SCRN1: variants seen among roughly 807,000 people sequenced by gnomAD.
SCRN1 encodes the protein secernin-1.
SCRN1 carries 19 observed loss-of-function variants against 43.3 expected under a neutral mutation model. The ratio of observed to expected loss-of-function variants is 0.44; its 90% confidence interval spans 0.31 to 0.64. The LOEUF (loss-of-function observed/expected upper bound fraction) is 0.64, where lower values mean the gene tolerates loss of function less well. Ranked by LOEUF, SCRN1 falls within the 30% of genes least tolerant of loss-of-function variation. The pLI is 0.09. For missense variants in SCRN1, 447 were observed against 524.1 expected (o/e 0.85, Z 1.44); for synonymous variants, 183 against 188.9 (o/e 0.97, Z 0.26).
At chr7:29,931,115 C>A (rs557745210) in intron 6 of SCRN1, among the ~76,000 whole-genome samples, 1 of 152,332 alleles carries the variant, frequency 6.6e-6, no homozygotes, top group South Asian at 2.1e-4. Flanking sequence ...ACCATTACCT[C>A]ATCTGTCCAT....
At chr7:29,983,870 A>G (rs1471613458) in intron 1 of SCRN1, among the ~76,000 whole-genome samples, 2 of 152,230 alleles carry the variant, frequency 1.3e-5, no homozygotes, top group Non-Finnish European at 2.9e-5. Flanking sequence ...AAGTGTTGCC[A>G]GAATAACTGA....
chr7:29,947,132 T>C (rs1182946703), intron 3 of SCRN1: 1 of 1,510,942 alleles, frequency 6.6e-7, no homozygotes, highest in Admixed American at 2.1e-5. Flanking sequence ...AGTTCCACTG[T>C]AACATCTATC....
rs1384308112 is a variant in SCRN1, at chr7:29,920,378, C to T, written c.*3579G>A. 3.3e-5 allele frequency: 5 copies of T among 152,110 alleles called. No homozygotes were observed. Among genetic ancestry groups the T allele is most frequent in the Admixed American group, 2.0e-4 (3 of 15,264 alleles). The allele number at this position is 152,110 out of a possible 1,614,324, so 9.4% of individuals were successfully genotyped here. A position where few individuals can be genotyped will look rare whatever the true frequency, so the allele number is the denominator to read the frequency against. On this transcript the variant is annotated 3_prime_UTR_variant, in exon 8 of 8. Coordinates refer to ENST00000242059, the MANE Select transcript of SCRN1 (RefSeq NM_014766.5). Reference sequence around the variant, plus strand: ...GTTCCCACGAGAAATCTGCAGGTGACATTTCGGGATGTTTGGAGTCAATCA... The same window carrying T: ...GTTCCCACGAGAAATCTGCAGGTGATATTTCGGGATGTTTGGAGTCAATCA...
intron 6 of SCRN1, among the ~76,000 whole-genome samples, chr7:29,933,169 C>T (rs533347132): frequency 7.6e-4 from 116 of 152,238 alleles, no homozygotes; most frequent in South Asian, 4.4e-3. Flanking sequence ...CGTGAGCGGC[C>T]GCACCTGGCC....
At chr7:29,929,300 G>T (rs140293326) in intron 6 of SCRN1, among the ~76,000 whole-genome samples, 173 of 152,342 alleles carry the variant, frequency 1.1e-3, no homozygotes, top group African/African-American at 3.8e-3. Context: ...TAGGCTTCAC[G>T]GTGGAACTGG....
chr7:29,969,603 A>C (rs1264062346), intron 1 of SCRN1, among the ~76,000 whole-genome samples: 2 of 152,176 alleles, frequency 1.3e-5, no homozygotes, highest in African/African-American at 4.8e-5. Context: ...ATAACACTCA[A>C]ACACCTTTTG....
In SCRN1 at chr7:29,921,732, G is replaced by C. The variant is rs1307701913; in HGVS notation, c.*2225C>G. On this transcript the variant is annotated 3_prime_UTR_variant, in exon 8 of 8. Coordinates refer to ENST00000242059, the MANE Select transcript of SCRN1 (RefSeq NM_014766.5). The stretch of plus-strand genomic sequence containing the variant: ...CCAAGGTCAATGTACCCTAACAGAA[G>C]TAGCCATTGTGTTTCCCAATGGGTA... The C allele has an allele frequency of 2.6e-5, 4 of 152,252 alleles. No individual in the cohort carries two copies. Among genetic ancestry groups the C allele is most frequent in the African/African-American group, 9.6e-5 (4 of 41,470 alleles). The allele number at this position is 152,252 out of a possible 1,614,324, so 9.4% of individuals were successfully genotyped here. A position where few individuals can be genotyped will look rare whatever the true frequency, so the allele number is the denominator to read the frequency against.
chr7:29,947,326 G>T, intron 3 of SCRN1: 1 of 1,550,664 alleles, frequency 6.4e-7, no homozygotes, highest in Non-Finnish European at 8.7e-7. Context: ...ACATCTCACT[G>T]AGAAAGATGG....
At chr7:29,956,127 T>C (rs1163086178) in intron 2 of SCRN1, among the ~76,000 whole-genome samples, 1 of 152,230 alleles carries the variant, frequency 6.6e-6, no homozygotes, top group African/African-American at 2.4e-5. Context: ...CCAAGTATTT[T>C]TAACCTCAGA....
chr7:29,972,654 T>A (rs1412886653), intron 1 of SCRN1, among the ~76,000 whole-genome samples: 1 of 152,224 alleles, frequency 6.6e-6, no homozygotes. Flanking sequence ...AAAGTGTGCA[T>A]CAGACCTAGG....
At chr7:29,939,380 TTTTA>T (rs923559213) in intron 5 of SCRN1, among the ~76,000 whole-genome samples, 9 of 152,128 alleles carry the variant, frequency 5.9e-5, no homozygotes, top group Admixed American at 2.0e-4. Flanking sequence ...ATCTGGCTAA[TTTTA>T]TTTCTTTGGA....
chr7:29,978,301 G>C (rs1200569337), intron 1 of SCRN1, among the ~76,000 whole-genome samples: 1 of 152,134 alleles, frequency 6.6e-6, no homozygotes, highest in Admixed American at 6.5e-5. Context: ...CAAATATTTG[G>C]CTTCTGCTAA....
At chr7:29,972,243 T>G (rs1478910622) in intron 1 of SCRN1, among the ~76,000 whole-genome samples, 1 of 152,296 alleles carries the variant, frequency 6.6e-6, no homozygotes, top group East Asian at 1.9e-4. Flanking sequence ...AGGATGCATT[T>G]ATCTTGTGTG....
chr7:29,927,970 A>T (rs1323151112), intron 6 of SCRN1, among the ~76,000 whole-genome samples: 2 of 152,122 alleles, frequency 1.3e-5, no homozygotes, highest in Non-Finnish European at 2.9e-5. Context: ...AAAATAAAAA[A>T]AAATTAGCCG....
Position 29,989,649 on chromosome 7 carries a change from G to A in SCRN1, c.-9C>T. The A allele has an allele frequency of 2.0e-6, 2 of 985,714 alleles. No individual in the cohort carries two copies. Among genetic ancestry groups the A allele is most frequent in the Non-Finnish European group, 2.4e-6 (2 of 830,152 alleles). 61.1% of individuals were successfully genotyped at this position (985,714 alleles called of 1,614,324 possible). ...CTCCCAGACGCGGCTCACCTGGGGC[G>A]GCGGGCTCCGGGCTCCGCTCTCCGC... On this transcript the variant is annotated 5_prime_UTR_variant, in exon 1 of 8. Transcript: ENST00000242059.
intron 2 of SCRN1, 40 bp from the exon 3 acceptor site, chr7:29,955,400 C>T (rs369633824): frequency 4.4e-6 from 7 of 1,579,410 alleles, no homozygotes; most frequent in Non-Finnish European, 6.1e-6. Context: ...CATCACCTGT[C>T]AGGTACCACC....
Position 29,962,133 on chromosome 7 carries a change from A to G in SCRN1, c.160-6773T>C, listed in dbSNP as rs899068043. ...TTCTGAGAATATAACCACCTAGTATATAATTAGTTTCATATAATTATTAAA... is the reference window on the plus strand; with the variant it reads ...TTCTGAGAATATAACCACCTAGTATGTAATTAGTTTCATATAATTATTAAA... On this transcript the variant is annotated intron_variant, in intron 2 of 7. Coordinates refer to ENST00000242059, the MANE Select transcript of SCRN1 (RefSeq NM_014766.5). 3.3e-5 allele frequency among the ~76,000 whole-genome samples: 5 copies of G among 150,188 alleles called. No homozygotes were observed. The East Asian group carries it at 9.8e-4, about 29-fold the overall frequency.
In SCRN1 at chr7:29,923,899, G is replaced by A. The variant is rs1786852019; in HGVS notation, c.*58C>T. On this transcript the variant is annotated 3_prime_UTR_variant, in exon 8 of 8. Transcript: ENST00000242059. ...CTCAAACAGGAGAGTGGTTTGTTTTGCTGGTAATTTAGTAAGGTGGGAAGT... is the reference window on the plus strand; with the variant it reads ...CTCAAACAGGAGAGTGGTTTGTTTTACTGGTAATTTAGTAAGGTGGGAAGT... 6.6e-7 allele frequency: 1 copy of A among 1,522,348 alleles called. No homozygotes were observed. Among genetic ancestry groups the A allele is most frequent in the Non-Finnish European group, 8.9e-7 (1 of 1,128,658 alleles). 94.3% of individuals were successfully genotyped at this position (1,522,348 alleles called of 1,614,324 possible). A position where few individuals can be genotyped will look rare whatever the true frequency, so the allele number is the denominator to read the frequency against.
intron 5 of SCRN1, among the ~76,000 whole-genome samples, chr7:29,936,970 C>A (rs1015757838): frequency 1.3e-5 from 2 of 152,044 alleles, no homozygotes; most frequent in Non-Finnish European, 2.9e-5. Flanking sequence ...GGTGTGAACC[C>A]GGGAGGCAGA....
Sources: gnomAD v4.1 joint callset for allele counts (sites outside exome capture counted in the v4.1 genomes callset) on GRCh38, gnomAD v4.1.1 for gene constraint, MANE v1.5 for transcripts, NCBI Gene and HGNC (gene_info 2026-07-23, HGNC 2026-07-21) for gene names.